SOS2: variants seen among roughly 807,000 people sequenced by gnomAD.
SOS2 encodes the protein SOS Ras/Rho guanine nucleotide exchange factor 2, also known as son of sevenless homolog 2.
Under a neutral mutation model 148.2 loss-of-function variants are expected in SOS2, and 65 were observed. The observed-to-expected ratio is 0.44, with a 90% CI of 0.36 to 0.54. SOS2 has a LOEUF of 0.54. Ranked by LOEUF, SOS2 falls within the 20% of genes least tolerant of loss-of-function variation. SOS2 has a pLI of 0.00. For synonymous variants in SOS2, 539 were observed against 537.1 expected, an observed-to-expected ratio of 1.00 and a Z score of -0.05; for missense variants, 1,341 against 1,590.2, an observed-to-expected ratio of 0.84 and a Z score of 2.67.
intron 4 of SOS2, among the ~76,000 whole-genome samples, chr14:50,193,892 T>C (rs559877436): frequency 2.0e-5 from 3 of 152,038 alleles, no homozygotes; most frequent in African/African-American, 7.2e-5. Context: ...TTATAGGCAA[T>C]CGCCACCACG....
chr14:50,221,711 G>A (rs1887207746), intron 1 of SOS2, among the ~76,000 whole-genome samples: 1 of 152,136 alleles, frequency 6.6e-6, no homozygotes, highest in Non-Finnish European at 1.5e-5. Flanking sequence ...GGTGGCATGT[G>A]CCTGCAGTCC....
chr14:50,152,636 C>G (rs941945432), intron 13 of SOS2, among the ~76,000 whole-genome samples: 1 of 152,004 alleles, frequency 6.6e-6, no homozygotes, highest in African/African-American at 2.4e-5. Context: ...AAAAACATTC[C>G]AAATGTTATT....
chr14:50,122,455 A>AC (rs1434620926), intron 21 of SOS2, among the ~76,000 whole-genome samples: 4 of 133,280 alleles, frequency 3.0e-5, no homozygotes, highest in African/African-American at 1.2e-4. Context: ...GAGTCCAGGA[A>AC]CCCTGGTCTT....
At chr14:50,145,665 T>C (rs567927243) in intron 14 of SOS2, 69 bp from the exon 15 acceptor site, 1 of 1,070,284 alleles carries the variant, frequency 9.3e-7, no homozygotes, top group East Asian at 2.5e-5. Flanking sequence ...CTTCTAAAAC[T>C]TAATAAGAAA....
chr14:50,177,571 T>C (rs1885565263), intron 7 of SOS2, among the ~76,000 whole-genome samples: 1 of 152,168 alleles, frequency 6.6e-6, no homozygotes, highest in South Asian at 2.1e-4. Context: ...AAAATAGGAC[T>C]GAAACAAGAA....
At chr14:50,127,558 A>G (rs1883724634) in intron 21 of SOS2, among the ~76,000 whole-genome samples, 1 of 152,186 alleles carries the variant, frequency 6.6e-6, no homozygotes, top group Admixed American at 6.5e-5. Flanking sequence ...GAGAATTCTG[A>G]ATTGCCCTGC....
intron 21 of SOS2, among the ~76,000 whole-genome samples, chr14:50,127,100 A>T (rs577998312): frequency 4.1e-4 from 62 of 150,566 alleles, no homozygotes; most frequent in African/African-American, 1.5e-3. Flanking sequence ...ACCTAGTTAG[A>T]GACGTTTCTT....
At chr14:50,187,227 G>C (rs562400715) in intron 5 of SOS2, among the ~76,000 whole-genome samples, 8 of 151,908 alleles carry the variant, frequency 5.3e-5, no homozygotes, top group Non-Finnish European at 1.2e-4. Context: ...ACCCAGGCTG[G>C]TCTCAAATTC....
intron 17 of SOS2, 28 bp downstream of exon 17, chr14:50,139,914 C>CA: frequency 8.6e-7 from 1 of 1,163,598 alleles, no homozygotes; most frequent in South Asian, 1.3e-5. Context: ...CGCTCACCCT[C>CA]AAAATATATC....
intron 14 of SOS2, among the ~76,000 whole-genome samples, chr14:50,147,905 G>A (rs1884540903): frequency 6.6e-6 from 1 of 151,458 alleles, no homozygotes; most frequent in Non-Finnish European, 1.5e-5. Context: ...AGGACTGCCT[G>A]AGGCCAGGAG....
intron 7 of SOS2, among the ~76,000 whole-genome samples, chr14:50,179,411 G>A (rs988172939): frequency 6.6e-6 from 1 of 151,934 alleles, no homozygotes; most frequent in Non-Finnish European, 1.5e-5. Context: ...TTGAGACTGG[G>A]TCTCACTCTG....
chr14:50,150,973 T>C (rs1489476184), intron 13 of SOS2, among the ~76,000 whole-genome samples: 2 of 152,038 alleles, frequency 1.3e-5, no homozygotes, highest in Non-Finnish European at 2.9e-5. Flanking sequence ...TCTGCCTGCC[T>C]TGGCCTCTCA....
Position 50,134,250 on chromosome 14 carries a change from A to G in SOS2, c.2959-11T>C. The G allele has an allele frequency of 2.5e-6, 3 of 1,190,862 alleles. No homozygotes were observed. Among genetic ancestry groups the G allele is most frequent in the Non-Finnish European group, 3.7e-6 (3 of 805,826 alleles). The allele number at this position is 1,190,862 out of a possible 1,614,324, so 73.8% of individuals were successfully genotyped here. A position where few individuals can be genotyped will look rare whatever the true frequency, so the allele number is the denominator to read the frequency against. ...GTTTTCAAAGAATCTCTGGAATTAA[A>G]CAAATAACACAAGTGCATATATAGT... On this transcript the variant is annotated splice_polypyrimidine_tract_variant and intron_variant, in intron 18 of 22. Transcript: ENST00000216373.
chr14:50,192,902 CAAAA>C (rs922759430), intron 4 of SOS2, among the ~76,000 whole-genome samples: 11 of 152,096 alleles, frequency 7.2e-5, no homozygotes, highest in African/African-American at 2.2e-4. Context: ...AGGTTAAAAA[CAAAA>C]GAAAGAAAAT....
At chr14:50,127,261 C>A (rs1883713590) in intron 21 of SOS2, among the ~76,000 whole-genome samples, 1 of 151,756 alleles carries the variant, frequency 6.6e-6, no homozygotes, top group Non-Finnish European at 1.5e-5. Flanking sequence ...CCTGTCTCAG[C>A]CTCCCAAATA....
At chr14:50,230,960 A>G in intron 1 of SOS2, 15 of 1,025,688 alleles carry the variant, frequency 1.5e-5, no homozygotes, top group Non-Finnish European at 1.8e-5. Context: ...AAATGACTGC[A>G]ACATGAAATC....
intron 7 of SOS2, among the ~76,000 whole-genome samples, chr14:50,179,158 C>T (rs1885640708): frequency 6.6e-6 from 1 of 151,962 alleles, no homozygotes; most frequent in African/African-American, 2.4e-5. Flanking sequence ...AATTTATATC[C>T]TGATTAAAAC....
intron 4 of SOS2, among the ~76,000 whole-genome samples, chr14:50,196,329 T>C (rs752305549): frequency 6.6e-6 from 1 of 152,218 alleles, no homozygotes; most frequent in Non-Finnish European, 1.5e-5. Flanking sequence ...TAGGTGTATA[T>C]ATGTATGGGG....
intron 14 of SOS2, among the ~76,000 whole-genome samples, chr14:50,147,724 T>C (rs943169527): frequency 6.6e-6 from 1 of 152,226 alleles, no homozygotes; most frequent in African/African-American, 2.4e-5. Flanking sequence ...TGTTCATGAA[T>C]ATTCATTATA....
Sources: allele counts gnomAD v4.1 joint callset (sites outside exome capture counted in the v4.1 genomes callset), GRCh38; gene constraint gnomAD v4.1.1; transcripts MANE v1.5; gene names NCBI Gene and HGNC (gene_info 2026-07-23, HGNC 2026-07-21).